SPIRE1: variants seen among roughly 807,000 people sequenced by gnomAD.
SPIRE1 encodes the protein spire type actin nucleation factor 1.
A neutral mutation model predicts 94.1 loss-of-function variants in SPIRE1; 40 were observed. The ratio of observed to expected loss-of-function variants is 0.43; its 90% CI spans 0.33 to 0.55. The LOEUF (loss-of-function observed/expected upper bound fraction) is 0.55, where lower values mean the gene tolerates loss of function less well. Ranked by LOEUF, SPIRE1 falls within the 20% of genes least tolerant of loss-of-function variation. SPIRE1 has a pLI of 0.06. For missense variants in SPIRE1, 838 were observed against 975.2 expected (o/e 0.86, Z 1.87); for synonymous variants, 376 against 371.7 (o/e 1.01, Z -0.13).
upstream of SPIRE1, chr18:12,661,250 G>T: frequency 2.8e-6 from 1 of 362,120 alleles, no homozygotes; most frequent in Non-Finnish European, 3.8e-6. Flanking sequence ...GGAGCGTGCA[G>T]TGAGCCGAGA....
At chr18:12,549,685 G>A (rs1236130460) in intron 2 of SPIRE1, among the ~76,000 whole-genome samples, 3 of 151,684 alleles carry the variant, frequency 2.0e-5, no homozygotes, top group Non-Finnish European at 2.9e-5. Flanking sequence ...TCCTGACCTC[G>A]TGATCCGCCT....
chr18:12,648,166 T>G (rs1461096512), intron 1 of SPIRE1, among the ~76,000 whole-genome samples: 1 of 152,176 alleles, frequency 6.6e-6, no homozygotes, highest in East Asian at 1.9e-4. Flanking sequence ...GATATTCACG[T>G]CTCCAGGAGG....
chr18:12,647,869 C>G (rs1353652018), intron 1 of SPIRE1, among the ~76,000 whole-genome samples: 1 of 152,178 alleles, frequency 6.6e-6, no homozygotes, highest in African/African-American at 2.4e-5. Context: ...ATATGGGTGA[C>G]TCTAGGGCTG....
chr18:12,603,642 T>C (rs1456293596), intron 2 of SPIRE1, among the ~76,000 whole-genome samples: 1 of 151,054 alleles, frequency 6.6e-6, no homozygotes, highest in Non-Finnish European at 1.5e-5. Context: ...TGGTGCAATC[T>C]CGGCTCACTG....
At chr18:12,602,946 A>C (rs542365807) in intron 2 of SPIRE1, among the ~76,000 whole-genome samples, 4 of 152,312 alleles carry the variant, frequency 2.6e-5, no homozygotes, top group African/African-American at 9.6e-5. Context: ...GTAGGTAAAC[A>C]TTTTAGTATA....
intron 16 of SPIRE1, among the ~76,000 whole-genome samples, chr18:12,450,210 AT>A (rs1422594844): frequency 6.6e-6 from 1 of 150,856 alleles, no homozygotes; most frequent in Admixed American, 6.6e-5. Flanking sequence ...AAAAAAAAAA[AT>A]AGCCAGGCAT....
intron 5 of SPIRE1, among the ~76,000 whole-genome samples, chr18:12,508,580 A>G (rs984515582): frequency 6.6e-6 from 1 of 152,204 alleles, no homozygotes; most frequent in African/African-American, 2.4e-5. Context: ...TCATCTTTTA[A>G]AAGTCTCCCT....
At chr18:12,512,762 C>T in intron 4 of SPIRE1, among the ~76,000 whole-genome samples, 1 of 133,332 alleles carries the variant, frequency 7.5e-6, no homozygotes, top group East Asian at 2.2e-4. Context: ...CCTGCCAACA[C>T]AACTTTCTTT....
At chr18:12,569,191 A>C (rs1393776063) in intron 2 of SPIRE1, among the ~76,000 whole-genome samples, 1 of 151,960 alleles carries the variant, frequency 6.6e-6, no homozygotes, top group African/African-American at 2.4e-5. Context: ...ATATACAAAA[A>C]AATTAGCCAG....
chr18:12,574,661 C>T (rs144413326), intron 2 of SPIRE1, among the ~76,000 whole-genome samples: 1 of 152,272 alleles, frequency 6.6e-6, no homozygotes, highest in African/African-American at 2.4e-5. Flanking sequence ...CAGTGGGATT[C>T]CCTGGCATGT....
At chr18:12,556,020 G>T (rs916852415) in intron 2 of SPIRE1, among the ~76,000 whole-genome samples, 1 of 151,972 alleles carries the variant, frequency 6.6e-6, no homozygotes, top group African/African-American at 2.4e-5. Context: ...ATTTCCATAT[G>T]CCAATAGCAA....
chr18:12,654,442 C>T (rs367939519), intron 1 of SPIRE1, among the ~76,000 whole-genome samples: 3 of 150,282 alleles, frequency 2.0e-5, no homozygotes, highest in African/African-American at 4.9e-5. Context: ...GTCAGGAGAT[C>T]GAGACCATCC....
intron 12 of SPIRE1, among the ~76,000 whole-genome samples, chr18:12,455,901 AAAAC>A (rs2031484557): frequency 6.6e-6 from 1 of 152,246 alleles, no homozygotes; most frequent in African/African-American, 2.4e-5. Flanking sequence ...CAATCAGAGA[AAAAC>A]AAAAATCAAT....
At chr18:12,455,651 G>A (rs1051329944) in intron 12 of SPIRE1, among the ~76,000 whole-genome samples, 1 of 152,180 alleles carries the variant, frequency 6.6e-6, no homozygotes, top group Non-Finnish European at 1.5e-5. Context: ...GCACTTGATT[G>A]GTGGATCTCA....
intron 4 of SPIRE1, among the ~76,000 whole-genome samples, chr18:12,513,790 T>C (rs1396481237): frequency 6.6e-6 from 1 of 152,182 alleles, no homozygotes; most frequent in African/African-American, 2.4e-5. Context: ...CCCAAAGAGC[T>C]GGGATAACAG....
intron 16 of SPIRE1, among the ~76,000 whole-genome samples, chr18:12,451,365 C>G (rs991152898): frequency 6.6e-6 from 1 of 152,166 alleles, no homozygotes; most frequent in African/African-American, 2.4e-5. Flanking sequence ...ACCAGACCAA[C>G]ATCATAGTAA....
chr18:12,651,032 A>C (rs1023323424), intron 1 of SPIRE1, among the ~76,000 whole-genome samples: 5 of 152,172 alleles, frequency 3.3e-5, no homozygotes, highest in Non-Finnish European at 7.4e-5. Context: ...GCTGCATTAG[A>C]TTCATGGTAA....
chr18:12,590,864 G>C (rs1312468496), intron 2 of SPIRE1, among the ~76,000 whole-genome samples: 1 of 152,198 alleles, frequency 6.6e-6, no homozygotes, highest in African/African-American at 2.4e-5. Context: ...TTATGCAACT[G>C]TCATGATTTC....
intron 1 of SPIRE1, among the ~76,000 whole-genome samples, chr18:12,653,773 C>A (rs2038446302): frequency 1.3e-5 from 2 of 151,820 alleles, no homozygotes; most frequent in South Asian, 4.1e-4. Flanking sequence ...ATGGGGAAAC[C>A]CCGTCTCTAC....
Sources: gnomAD v4.1 joint callset for allele counts (sites outside exome capture counted in the v4.1 genomes callset) on GRCh38, gnomAD v4.1.1 for gene constraint, MANE v1.5 for transcripts, NCBI Gene and HGNC (gene_info 2026-07-23, HGNC 2026-07-21) for gene names.